Variants in B9D1 observed in about 807,000 individuals in gnomAD.
B9D1 encodes B9 domain containing 1.
A neutral mutation model predicts 26.1 loss-of-function variants in B9D1; 20 were observed. That is an observed-to-expected ratio of 0.77 (90% CI 0.54 to 1.12). The LOEUF is 1.12. Among genes scored for constraint, B9D1 ranks in the 50% most tolerant of loss-of-function variants. B9D1 has a pLI of 0.00. For synonymous variants in B9D1, 105 were observed against 103.1 expected, an observed-to-expected ratio of 1.02 and a Z score of -0.11; for missense variants, 260 against 273.7, an observed-to-expected ratio of 0.95 and a Z score of 0.35.
intron 1 of B9D1, among the ~76,000 whole-genome samples, chr17:19,374,679 C>T (rs1202030010): frequency 6.6e-6 from 1 of 151,786 alleles, no homozygotes; most frequent in African/African-American, 2.4e-5. Flanking sequence ...AGGTTATATT[C>T]GTAAAGGAAT....
chr17:19,364,056 CTA>C (rs1911441470), upstream of B9D1, among the ~76,000 whole-genome samples: 1 of 152,236 alleles, frequency 6.6e-6, no homozygotes, highest in Admixed American at 6.5e-5. This position sits in a 1 kb window ranked among gnomAD's most constrained non-coding sequence, Gnocchi z 4.3. Context: ...CCCACACATT[CTA>C]TCAGTCTCAC....
In B9D1 at chr17:19,347,970, C is replaced by G; in HGVS notation, c.245-90G>C. The G allele has an allele frequency of 8.7e-7, 1 of 1,152,714 alleles. No homozygotes were observed. The highest frequency in any genetic ancestry group is 1.3e-6 in the Non-Finnish European group (1 of 780,408). 71.4% of individuals were successfully genotyped at this position (1,152,714 alleles called of 1,614,324 possible). A position where few individuals can be genotyped will look rare whatever the true frequency, so the allele number is the denominator to read the frequency against. ...CAGGGCGTGTCCAGCTGAGGGTGCT[C>G]AAAGGATGGAGCTCAAAACTCTGGG... On this transcript the variant is annotated intron_variant, in intron 3 of 6. Transcript: ENST00000261499. The surrounding 1 kb of genome is among the most constrained non-coding windows in gnomAD (Gnocchi z 4.3).
At chr17:19,353,894 C>G (rs1909997667) in intron 3 of B9D1, among the ~76,000 whole-genome samples, 1 of 152,136 alleles carries the variant, frequency 6.6e-6, no homozygotes, top group Non-Finnish European at 1.5e-5. Context: ...GAGCCGAGAT[C>G]GTGCCATTGC....
chr17:19,337,484 T>C (rs908734378), downstream of B9D1: 2 of 503,868 alleles, frequency 4.0e-6, no homozygotes, highest in African/African-American at 1.9e-5. Flanking sequence ...TGCAAGTGCC[T>C]GGCTCCTGGT....
chr17:19,343,972 C>T, intron 5 of B9D1, 115 bp from the exon 6 acceptor site: 1 of 1,470,130 alleles, frequency 6.8e-7, no homozygotes, highest in Non-Finnish European at 9.2e-7. Context: ...GTTCCAACCG[C>T]ACCCCACCCC....
At chr17:19,335,812 T>C, downstream of B9D1, 1 of 202,034 alleles carries the variant, frequency 4.9e-6, no homozygotes, top group Middle Eastern at 1.8e-3. Context: ...TGTCCTCACC[T>C]CACCCACCAC....
Position 19,343,467 on chromosome 17 carries a change from G to A in B9D1, c.473-6C>T, listed in dbSNP as rs199683823. On this transcript the variant is annotated splice_polypyrimidine_tract_variant and splice_region_variant and intron_variant, in intron 6 of 6. Coordinates refer to ENST00000261499, the MANE Select transcript of B9D1 (RefSeq NM_015681.6). Reference sequence around the variant, plus strand: ...CTGAGAACGGACACGGGTCACTGGGGACAGAAGGGCAGCATCAGCCAGGCT... The same window carrying A: ...CTGAGAACGGACACGGGTCACTGGGAACAGAAGGGCAGCATCAGCCAGGCT... 2 of 1,614,196 alleles carry A rather than the reference G, an allele frequency of 1.2e-6. No individual in the cohort carries two copies. Among genetic ancestry groups the A allele is most frequent in the African/African-American group, 2.7e-5 (2 of 75,056 alleles).
chr17:19,343,639 G>T (rs1908275249), intron 6 of B9D1, 151 bp downstream of exon 6: 6 of 1,583,960 alleles, frequency 3.8e-6, no homozygotes, highest in Non-Finnish European at 5.1e-6. Flanking sequence ...CAAACCCTCT[G>T]TGCTCCAACC....
upstream of B9D1, among the ~76,000 whole-genome samples, chr17:19,367,502 C>T (rs1465440249): frequency 1.3e-5 from 2 of 151,880 alleles, no homozygotes; most frequent in African/African-American, 2.4e-5. Flanking sequence ...GGTAGAGACA[C>T]GGTTTCCCCA....
chr17:19,377,184 T>C (rs1195758519), intron 1 of B9D1, among the ~76,000 whole-genome samples: 2 of 152,218 alleles, frequency 1.3e-5, no homozygotes, highest in Admixed American at 6.5e-5. Context: ...GTCCTTAACA[T>C]TGGCAAAATA....
At chr17:19,373,105 T>C (rs565934295) in intron 1 of B9D1, among the ~76,000 whole-genome samples, 30 of 151,994 alleles carry the variant, frequency 2.0e-4, no homozygotes, top group Non-Finnish European at 4.0e-4. Flanking sequence ...GCTGAGCCTG[T>C]CCAATGGGAG....
At chr17:19,355,890 CTT>C (rs1225809913) in intron 3 of B9D1, among the ~76,000 whole-genome samples, 1 of 152,030 alleles carries the variant, frequency 6.6e-6, no homozygotes, top group Non-Finnish European at 1.5e-5. Context: ...TGTTTTATCT[CTT>C]TTGATCATAG....
At chr17:19,365,061 G>A (rs1300999412), upstream of B9D1, among the ~76,000 whole-genome samples, 2 of 152,250 alleles carry the variant, frequency 1.3e-5, no homozygotes, top group East Asian at 3.8e-4. This position sits in a 1 kb window ranked among gnomAD's most constrained non-coding sequence, Gnocchi z 5.0. Flanking sequence ...ACTGAAATCG[G>A]GTTCAAACCC....
chr17:19,356,541 G>T (rs1910384233), intron 3 of B9D1, among the ~76,000 whole-genome samples: 1 of 152,214 alleles, frequency 6.6e-6, no homozygotes, highest in Non-Finnish European at 1.5e-5. Flanking sequence ...TCCTAGGGCA[G>T]CTCTTTGAGG....
chr17:19,355,094 T>C lies in B9D1; in HGVS notation c.244+2746A>G, dbSNP rs115696034. Among the ~76,000 whole-genome samples, 555 of 152,360 alleles carry C rather than the reference T, an allele frequency of 3.6e-3. 4 individuals carry two copies. Among genetic ancestry groups the C allele is most frequent in the African/African-American group, 0.013 (526 of 41,582 alleles). Reference sequence around the variant, plus strand: ...ATTCTCTGTCTCCTACCTTCTCATCTATATTTTCTATTCTTGGGTTTCACT... The same window carrying C: ...ATTCTCTGTCTCCTACCTTCTCATCCATATTTTCTATTCTTGGGTTTCACT... On this transcript the variant is annotated intron_variant, in intron 3 of 6. Transcript: ENST00000261499.
chr17:19,364,810 C>T (rs1327978742), upstream of B9D1, among the ~76,000 whole-genome samples: 4 of 152,254 alleles, frequency 2.6e-5, no homozygotes, highest in Non-Finnish European at 2.9e-5. This position sits in a 1 kb window ranked among gnomAD's most constrained non-coding sequence, Gnocchi z 4.3. Flanking sequence ...TACACTCCCA[C>T]GCAGTCCCCT....
At chr17:19,374,030 A>G (rs1345761071) in intron 1 of B9D1, among the ~76,000 whole-genome samples, 1 of 152,236 alleles carries the variant, frequency 6.6e-6, no homozygotes, top group African/African-American at 2.4e-5. Context: ...CATGCAGGAA[A>G]CGTGAGCCAA....
At chr17:19,346,708 C>T (rs1908846086) in intron 5 of B9D1, among the ~76,000 whole-genome samples, 1 of 152,182 alleles carries the variant, frequency 6.6e-6, no homozygotes, top group South Asian at 2.1e-4. Context: ...CCTCATTCTG[C>T]CTGGCTTACC....
intron 5 of B9D1, among the ~76,000 whole-genome samples, chr17:19,346,404 G>A (rs1163003965): frequency 2.0e-5 from 3 of 152,236 alleles, no homozygotes; most frequent in Admixed American, 1.3e-4. Context: ...CTGGTCTCAC[G>A]CCCAGTACTG....
Sources: gnomAD v4.1 joint callset for allele counts (sites outside exome capture counted in the v4.1 genomes callset) on GRCh38, gnomAD v4.1.1 for gene constraint, Gnocchi (gnomAD v3.1) non-coding constraint, MANE v1.5 for transcripts, NCBI Gene and HGNC (gene_info 2026-07-23, HGNC 2026-07-21) for gene names.